Variants in DCAF8L2 observed in about 807,000 individuals in gnomAD.
DCAF8L2 encodes the protein DDB1- and CUL4-associated factor 8-like protein 2.
For missense variants in DCAF8L2, 430 were observed against 490.7 expected (o/e 0.88, Z 1.17); for synonymous variants, 200 against 190.9 (o/e 1.05, Z -0.39).
intron 3 of DCAF8L2, among the ~76,000 whole-genome samples, chrX:27,694,470 G>A (rs1930824558): frequency 1.8e-5 from 2 of 109,841 alleles, no homozygotes; most frequent in South Asian, 7.7e-4. Flanking sequence ...CTATCAAACT[G>A]ATCTTGTTGG....
rs1198911730 is a variant in DCAF8L2 at position 27,747,270 on chromosome X, GGAGGAGGAGGAA to G, written c.387_398del (p.Glu144_Glu147del). On this transcript the variant is annotated inframe_deletion, in exon 5 of 5. Coordinates refer to ENST00000451261, the MANE Select transcript of DCAF8L2 (RefSeq NM_001353450.2). ...ACGAAGAGATACAAGAGGAGGGAGG[GGAGGAGGAGGAA>G]GAGGAGGAGGAGGAGGAGGAGGAGG... is the stretch of plus-strand genomic sequence containing the variant. 8 of 1,127,810 alleles carry G rather than the reference GGAGGAGGAGGAA, an allele frequency of 7.1e-6. No individual in the cohort carries two copies. Among genetic ancestry groups the G allele is most frequent in the African/African-American group, 6.6e-5 (3 of 45,546 alleles). The allele number at this position is 1,127,810 out of a possible 1,213,427, so 92.9% of individuals were successfully genotyped here.
intron 1 of DCAF8L2, among the ~76,000 whole-genome samples, chrX:27,614,289 G>A (rs1432076054): frequency 1.8e-5 from 2 of 110,140 alleles, no homozygotes; most frequent in Non-Finnish European, 3.8e-5. Flanking sequence ...CTGTGGTATC[G>A]GTGGTGATAT....
At chrX:27,516,454 TCACACACACACACACA>T in the DCAF8L2 span, among the ~76,000 whole-genome samples, 1 of 97,453 alleles carries the variant, frequency 1.0e-5, no homozygotes, top group Non-Finnish European at 2.1e-5. Flanking sequence ...CATCTCTCTC[TCACACACACACACACA>T]CACACACACA....
chrX:27,593,857 A>G (rs1926228702), intron 1 of DCAF8L2, among the ~76,000 whole-genome samples: 1 of 111,813 alleles, frequency 8.9e-6, no homozygotes. Context: ...CACTCATGTT[A>G]ATGGTTTAAT....
intron 2 of DCAF8L2, among the ~76,000 whole-genome samples, chrX:27,645,703 G>A (rs1035554846): frequency 1.5e-4 from 17 of 111,641 alleles, no homozygotes; most frequent in African/African-American, 5.2e-4. Context: ...AGGCTGATGG[G>A]CAACTTCAGC....
At chrX:27,492,808 C>T in the DCAF8L2 span, among the ~76,000 whole-genome samples, 1 of 112,456 alleles carries the variant, frequency 8.9e-6, no homozygotes, top group Non-Finnish European at 1.9e-5. Flanking sequence ...AGAAAATGAC[C>T]ATCTATTTAC....
upstream of DCAF8L2, among the ~76,000 whole-genome samples, chrX:27,590,124 G>T (rs1380437432): frequency 9.0e-6 from 1 of 110,761 alleles, no homozygotes; most frequent in African/African-American, 3.3e-5. Flanking sequence ...ATTAATTTAG[G>T]TTTTTTTTCT....
chrX:27,594,165 A>AT (rs1271963004), intron 1 of DCAF8L2, among the ~76,000 whole-genome samples: 1 of 111,827 alleles, frequency 8.9e-6, no homozygotes, highest in African/African-American at 3.2e-5. Context: ...GTATTAATGT[A>AT]TAAGTACACA....
the DCAF8L2 span, among the ~76,000 whole-genome samples, chrX:27,514,696 CAAA>C: frequency 2.5e-5 from 1 of 39,965 alleles, no homozygotes; most frequent in Non-Finnish European, 4.3e-5. Flanking sequence ...AAAAAAAAAA[CAAA>C]AAAAAAAAAC....
chrX:27,558,243 C>T, the DCAF8L2 span, among the ~76,000 whole-genome samples: 1 of 112,069 alleles, frequency 8.9e-6, no homozygotes, highest in East Asian at 2.8e-4. Context: ...TCCTCTAATG[C>T]TACCACTGTA....
At chrX:27,530,245 G>A in the DCAF8L2 span, among the ~76,000 whole-genome samples, 2 of 110,145 alleles carry the variant, frequency 1.8e-5, no homozygotes, top group Non-Finnish European at 3.8e-5. Flanking sequence ...CAGAACTGGA[G>A]TTCAACAAAA....
chrX:27,557,391 T>A, the DCAF8L2 span, among the ~76,000 whole-genome samples: 1 of 112,035 alleles, frequency 8.9e-6, no homozygotes, highest in Non-Finnish European at 1.9e-5. Context: ...GTCAAAATAA[T>A]GTCATTTTCA....
chrX:27,667,334 G>A (rs773647542), intron 2 of DCAF8L2, among the ~76,000 whole-genome samples: 2 of 111,680 alleles, frequency 1.8e-5, no homozygotes, highest in East Asian at 2.8e-4. Context: ...CTACAACTAG[G>A]TTAGGTTGTA....
At chrX:27,575,669 T>C in the DCAF8L2 span, among the ~76,000 whole-genome samples, 2 of 112,602 alleles carry the variant, frequency 1.8e-5, no homozygotes, top group African/African-American at 6.5e-5. Flanking sequence ...CTACCACTTA[T>C]GAGTCATAAA....
chrX:27,557,587 AT>A, the DCAF8L2 span, among the ~76,000 whole-genome samples: 6 of 111,547 alleles, frequency 5.4e-5, no homozygotes, highest in East Asian at 1.7e-3. Flanking sequence ...AAGAAATTGA[AT>A]TGTGATGCTG....
chrX:27,701,287 A>G (rs1445924372), intron 3 of DCAF8L2, among the ~76,000 whole-genome samples: 2 of 111,634 alleles, frequency 1.8e-5, no homozygotes, highest in Non-Finnish European at 3.8e-5. Context: ...AATTTTAGAG[A>G]GAAAAGTAAT....
At chrX:27,744,724 G>A (rs1165727804) in intron 4 of DCAF8L2, among the ~76,000 whole-genome samples, 1 of 111,442 alleles carries the variant, frequency 9.0e-6, no homozygotes, top group South Asian at 3.8e-4. Context: ...CTTCTCTCCA[G>A]GTAATGAGTA....
intron 2 of DCAF8L2, among the ~76,000 whole-genome samples, chrX:27,666,486 T>C (rs920921559): frequency 1.8e-5 from 2 of 112,135 alleles, no homozygotes; most frequent in Non-Finnish European, 3.8e-5. Context: ...AAGTAACAGA[T>C]ACCATATTTT....
the DCAF8L2 span, among the ~76,000 whole-genome samples, chrX:27,579,726 G>A: frequency 4.7e-5 from 5 of 105,266 alleles, no homozygotes; most frequent in Admixed American, 1.0e-4. Flanking sequence ...TATCTGTGAG[G>A]CTATATTTTA....
Sources: allele counts gnomAD v4.1 joint callset (sites outside exome capture counted in the v4.1 genomes callset), GRCh38; gene constraint gnomAD v4.1.1; transcripts MANE v1.5; gene names NCBI Gene and HGNC (gene_info 2026-07-23, HGNC 2026-07-21).